CIAO3: variants seen among roughly 807,000 people sequenced by gnomAD.
CIAO3 encodes the protein LET1 like/JFP15.
Under a neutral mutation model 51.5 loss-of-function variants are expected in CIAO3, and 45 were observed. The observed-to-expected ratio is 0.87, with a 90% confidence interval of 0.69 to 1.12. CIAO3 has a LOEUF of 1.12. Among genes scored for constraint, CIAO3 ranks in the 50% most tolerant of loss-of-function variants. CIAO3 has a pLI of 0.00. For missense variants in CIAO3, 668 were observed against 632.5 expected (o/e 1.06, Z -0.60); for synonymous variants, 314 against 269.3 (o/e 1.17, Z -1.63).
At position 733,199 on chromosome 16, in the gene CIAO3, C is replaced by A. The variant is rs558222907; in HGVS notation, c.823+99G>T. ...GCGAGCCCCCACACTCCAGCCAGGG[C>A]CCCCACAGGCAGGATCCTGGGCAGT... On this transcript the variant is annotated intron_variant, in intron 7 of 10. Transcript: ENST00000251588. The A allele has an allele frequency of 3.4e-6, 5 of 1,469,628 alleles. No individual in the cohort carries two copies. In the African/African-American group the frequency reaches 5.6e-5, roughly 16 times the overall value. The allele number at this position is 1,469,628 out of a possible 1,614,324, so 91.0% of individuals were successfully genotyped here.
At position 730,369 on chromosome 16, in the gene CIAO3, G is replaced by A. The variant is rs772348806; in HGVS notation, c.*48C>T. 4.5e-6 allele frequency: 7 copies of A among 1,555,192 alleles called. No homozygotes were observed. The highest frequency in any genetic ancestry group is 1.7e-5 in the Admixed American group (1 of 59,446). On this transcript the variant is annotated 3_prime_UTR_variant, in exon 11 of 11. Coordinates refer to ENST00000251588, the MANE Select transcript of CIAO3 (RefSeq NM_022493.3). ...CTGGGGTCTTGGGGCATGTGGTTCT[G>A]CTGTCACACATGGACACGGCCTCCT... is the stretch of plus-strand genomic sequence containing the variant.
At position 730,319 on chromosome 16, in the gene CIAO3, C is replaced by T; in HGVS notation, c.*98G>A. 2 of 1,255,576 alleles carry T rather than the reference C, an allele frequency of 1.6e-6. No individual in the cohort carries two copies. Among genetic ancestry groups the T allele is most frequent in the East Asian group, 4.7e-5 (2 of 42,960 alleles). 77.8% of individuals were successfully genotyped at this position (1,255,576 alleles called of 1,614,324 possible). On this transcript the variant is annotated 3_prime_UTR_variant, in exon 11 of 11. Coordinates refer to ENST00000251588, the MANE Select transcript of CIAO3 (RefSeq NM_022493.3). ...ACTCGGGTCCCAGCACACCCTGCAGCTCACTCAGAATTTTGGGGGAAGCCC... is the reference window on the plus strand; with the variant it reads ...ACTCGGGTCCCAGCACACCCTGCAGTTCACTCAGAATTTTGGGGGAAGCCC...
chr16:737,087 G>C lies in CIAO3; in HGVS notation c.306+99C>G. 1 of 1,531,386 alleles carries C rather than the reference G, an allele frequency of 6.5e-7. No homozygotes were observed. Among genetic ancestry groups the C allele is most frequent in the African/African-American group, 1.4e-5 (1 of 73,324 alleles). The allele number at this position is 1,531,386 out of a possible 1,614,324, so 94.9% of individuals were successfully genotyped here. A position where few individuals can be genotyped will look rare whatever the true frequency, so the allele number is the denominator to read the frequency against. On this transcript the variant is annotated intron_variant, in intron 3 of 10. Coordinates refer to ENST00000251588, the MANE Select transcript of CIAO3 (RefSeq NM_022493.3). This position sits in a 1 kb window ranked among gnomAD's most constrained non-coding sequence, Gnocchi z 5.3. ...AAAGGCAGGCGCCACCCGCACGACG[G>C]ACGTCGGCACCACACGAGCTGCCCT... is the stretch of plus-strand genomic sequence containing the variant.
chr16:738,071 T>C (rs2041356777), intron 2 of CIAO3: 2 of 1,045,056 alleles, frequency 1.9e-6, no homozygotes, highest in Non-Finnish European at 2.3e-6. Context: ...TGTATCACAA[T>C]CTGAGCTCGC....
At chr16:738,034 T>G (rs1471158342) in intron 2 of CIAO3, 1 of 1,109,884 alleles carries the variant, frequency 9.0e-7, no homozygotes, top group Non-Finnish European at 1.1e-6. Flanking sequence ...TGGGAACCCC[T>G]CGCAGCCCAG....
intron 9 of CIAO3, 98 bp downstream of exon 9, chr16:731,467 G>C: frequency 7.0e-7 from 1 of 1,420,374 alleles, no homozygotes. Flanking sequence ...CCTCCACCCA[G>C]CCCACCTCTG....
chr16:738,680 CTCTG>C (rs1270533774), intron 2 of CIAO3, among the ~76,000 whole-genome samples: 8 of 149,494 alleles, frequency 5.4e-5, no homozygotes, highest in Non-Finnish European at 1.2e-4. Context: ...GAGATGGAGT[CTCTG>C]TCTCTCAGGC....
At chr16:732,478 A>C in intron 7 of CIAO3, 105 bp from the exon 8 acceptor site, 1 of 1,328,192 alleles carries the variant, frequency 7.5e-7, no homozygotes, top group Non-Finnish European at 1.1e-6. Context: ...CTTTGGCCCC[A>C]GAAGGCCCCA....
At position 729,953 on chromosome 16, in the gene CIAO3, G is replaced by A. The variant is rs2041252855; in HGVS notation, c.*464C>T. On this transcript the variant is annotated 3_prime_UTR_variant, in exon 11 of 11. Coordinates refer to ENST00000251588, the MANE Select transcript of CIAO3 (RefSeq NM_022493.3). The stretch of plus-strand genomic sequence containing the variant: ...CCCCCTGCCAGGGTCCACACGCAGG[G>A]TTGTGGCGGGACCACCCCTGCAGGT... 5.8e-6 allele frequency: 2 copies of A among 345,718 alleles called. No individual in the cohort carries two copies. Among genetic ancestry groups the A allele is most frequent in the Non-Finnish European group, 5.5e-6 (1 of 183,486 alleles). The allele number at this position is 345,718 out of a possible 1,614,324, so 21.4% of individuals were successfully genotyped here.
intron 2 of CIAO3, chr16:738,199 C>T (rs181242880): frequency 2.8e-5 from 28 of 993,994 alleles, no homozygotes; most frequent in African/African-American, 1.9e-4. Context: ...GCCACGCCTA[C>T]CAGCACCCCA....
rs757541125 is a variant in CIAO3, at chr16:731,531, C to T, written c.1034+34G>A. The T allele has an allele frequency of 2.2e-5, 33 of 1,520,826 alleles. No individual in the cohort carries two copies. The South Asian group carries it at 3.0e-4, about 14-fold the overall frequency. 94.2% of individuals were successfully genotyped at this position (1,520,826 alleles called of 1,614,324 possible). On this transcript the variant is annotated intron_variant, in intron 9 of 10. Coordinates refer to ENST00000251588, the MANE Select transcript of CIAO3 (RefSeq NM_022493.3). ...CGAGGAAGGCTGGGGGCTGTGTGGC[C>T]GCTCTGCCCAGAGATCTGGCCCATC...
At chr16:731,293 G>A (rs1364261416) in intron 9 of CIAO3, 9 of 602,798 alleles carry the variant, frequency 1.5e-5, no homozygotes, top group Non-Finnish European at 2.5e-5. Flanking sequence ...GCGTGCCTGC[G>A]CCAGGCACCC....
chr16:740,989 G>A lies in CIAO3; in HGVS notation c.-4C>T. ...CCCCGCTGAAGGGCGACGCCATGAC[G>A]GCCGCACTGCCGCCGCGCGCAGGTG... On this transcript the variant is annotated 5_prime_UTR_variant, in exon 1 of 11. Transcript: ENST00000251588. 6.7e-7 allele frequency: 1 copy of A among 1,500,342 alleles called. No homozygotes were observed. The highest frequency in any genetic ancestry group is 8.9e-7 in the Non-Finnish European group (1 of 1,127,692). 92.9% of individuals were successfully genotyped at this position (1,500,342 alleles called of 1,614,324 possible).
rs952734266 is a variant in CIAO3 at position 737,590 on chromosome 16, T to G, written c.163-261A>C. The G allele has an allele frequency of 4.4e-5, 64 of 1,443,462 alleles. No individual in the cohort carries two copies. The highest frequency in any genetic ancestry group is 2.5e-4 in the Admixed American group (12 of 47,864). 89.4% of individuals were successfully genotyped at this position (1,443,462 alleles called of 1,614,324 possible). A position where few individuals can be genotyped will look rare whatever the true frequency, so the allele number is the denominator to read the frequency against. On this transcript the variant is annotated intron_variant, in intron 2 of 10. Coordinates refer to ENST00000251588, the MANE Select transcript of CIAO3 (RefSeq NM_022493.3). The surrounding 1 kb of genome is among the most constrained non-coding windows in gnomAD (Gnocchi z 5.3). ...AGGACTAAGGCTTGCCACTGGTATC[T>G]CAGCAAAGCAGCAGCCACCCCACTC...
At chr16:735,684 G>A (rs1184105156) in intron 4 of CIAO3, among the ~76,000 whole-genome samples, 2 of 152,186 alleles carry the variant, frequency 1.3e-5, no homozygotes, top group African/African-American at 4.8e-5. Flanking sequence ...TGGGGCACCT[G>A]CCAGTGTCAC....
chr16:739,948 T>C, intron 1 of CIAO3: 1 of 1,432,326 alleles, frequency 7.0e-7, no homozygotes, highest in South Asian at 1.2e-5. Flanking sequence ...GCACTGAAGT[T>C]CCCAGTGTGC....
rs944230312 is a variant in CIAO3, at chr16:737,737, G to A, written c.163-408C>T. 7.8e-7 allele frequency: 1 copy of A among 1,283,148 alleles called. No homozygotes were observed. The allele number at this position is 1,283,148 out of a possible 1,614,324, so 79.5% of individuals were successfully genotyped here. ...GGAAAGCTGAGGACAAAGGAGGAAA[G>A]GACGAAGGCACAGGAAGAGGAGAGC... On this transcript the variant is annotated intron_variant, in intron 2 of 10. Transcript: ENST00000251588. The surrounding 1 kb of genome is among the most constrained non-coding windows in gnomAD (Gnocchi z 5.3).
In CIAO3 at chr16:729,766, G is replaced by A; in HGVS notation, c.*651C>T. The A allele has an allele frequency of 7.5e-7, 1 of 1,334,918 alleles. No homozygotes were observed. Among genetic ancestry groups the A allele is most frequent in the Non-Finnish European group, 9.8e-7 (1 of 1,022,536 alleles). The allele number at this position is 1,334,918 out of a possible 1,614,324, so 82.7% of individuals were successfully genotyped here. ...GGAGAGGAGCTGTTTTCGTAGGCGT[G>A]TTTTAGGAGGGGTGCGTTTATTAGA... On this transcript the variant is annotated 3_prime_UTR_variant, in exon 11 of 11. Coordinates refer to ENST00000251588, the MANE Select transcript of CIAO3 (RefSeq NM_022493.3).
At chr16:738,133 A>G in intron 2 of CIAO3, 8 of 1,018,446 alleles carry the variant, frequency 7.9e-6, no homozygotes, top group Non-Finnish European at 9.4e-6. Context: ...TGCCTGCCAC[A>G]GGGTGCTGGG....
Sources: gnomAD v4.1 joint callset for allele counts (sites outside exome capture counted in the v4.1 genomes callset) on GRCh38, gnomAD v4.1.1 for gene constraint, Gnocchi (gnomAD v3.1) non-coding constraint, MANE v1.5 for transcripts, NCBI Gene and HGNC (gene_info 2026-07-23, HGNC 2026-07-21) for gene names.